The following MAMDC2 variants were observed in gnomAD, a reference collection of about 807,000 sequenced individuals.
MAMDC2 encodes the protein MAM domain-containing protein 2.
In MAMDC2, 57 loss-of-function variants were observed where a neutral mutation model predicts 89.8. The ratio of observed to expected loss-of-function variants is 0.63; its 90% CI spans 0.51 to 0.79. The LOEUF (loss-of-function observed/expected upper bound fraction) is 0.79, where lower values mean the gene tolerates loss of function less well. Ranked by LOEUF, MAMDC2 falls within the 30% of genes least tolerant of loss-of-function variation. The probability of loss-of-function intolerance (pLI) is 0.00; values close to 1 mark genes in which losing one functional copy is unlikely to be tolerated. For missense variants in MAMDC2, 800 were observed against 820.6 expected (o/e 0.97, Z 0.31); for synonymous variants, 313 against 293.4 (o/e 1.07, Z -0.68).
intron 7 of MAMDC2, among the ~76,000 whole-genome samples, chr9:70,136,559 G>C (rs923404576): frequency 2.6e-5 from 4 of 152,116 alleles, no homozygotes; most frequent in African/African-American, 9.7e-5. Context: ...ACTGAGTTAA[G>C]ATTCTCTTGC....
chr9:70,202,056 A>G (rs1417696311), intron 11 of MAMDC2, among the ~76,000 whole-genome samples: 1 of 151,026 alleles, frequency 6.6e-6, no homozygotes, highest in Non-Finnish European at 1.5e-5. Context: ...TATTTCCTTC[A>G]GTTCTGCTCT....
At chr9:70,216,639 A>AAAC (rs1481463489) in intron 11 of MAMDC2, among the ~76,000 whole-genome samples, 1 of 152,236 alleles carries the variant, frequency 6.6e-6, no homozygotes, top group East Asian at 1.9e-4. Flanking sequence ...ACAAGGCAAC[A>AAAC]AAGTTGCATG....
chr9:70,136,413 G>A (rs1158104349), intron 7 of MAMDC2, among the ~76,000 whole-genome samples: 1 of 152,156 alleles, frequency 6.6e-6, no homozygotes, highest in African/African-American at 2.4e-5. Context: ...TTGTCTGGAT[G>A]TACCACAGTT....
chr9:70,099,045 C>A (rs1327140316), intron 2 of MAMDC2, among the ~76,000 whole-genome samples: 5 of 151,972 alleles, frequency 3.3e-5, no homozygotes, highest in African/African-American at 9.7e-5. Context: ...TTAAACAACA[C>A]AAAATAATAG....
chr9:70,219,584 T>C (rs2033518998), intron 12 of MAMDC2, among the ~76,000 whole-genome samples: 1 of 152,240 alleles, frequency 6.6e-6, no homozygotes, highest in South Asian at 2.1e-4. Flanking sequence ...GGGAAGGAAT[T>C]GCAGAAGCTC....
At chr9:70,158,810 T>C (rs1323626723) in intron 9 of MAMDC2, among the ~76,000 whole-genome samples, 1 of 150,010 alleles carries the variant, frequency 6.7e-6, no homozygotes, top group African/African-American at 2.4e-5. Flanking sequence ...AGCCTACAGA[T>C]CCTGGGCTTT....
chr9:70,210,738 C>G (rs1193395936), intron 11 of MAMDC2, among the ~76,000 whole-genome samples: 1 of 152,142 alleles, frequency 6.6e-6, no homozygotes, highest in South Asian at 2.1e-4. Flanking sequence ...ATGGTCTTTA[C>G]AATTTGGCAT....
intron 9 of MAMDC2, among the ~76,000 whole-genome samples, chr9:70,167,496 A>C (rs1421461892): frequency 1.5e-5 from 1 of 65,896 alleles, no homozygotes; most frequent in African/African-American, 5.0e-5. Context: ...GTTGGGTTTC[A>C]ACTTCTGTTA....
intron 2 of MAMDC2, among the ~76,000 whole-genome samples, chr9:70,102,489 A>T (rs1252208918): frequency 6.6e-6 from 1 of 152,194 alleles, no homozygotes; most frequent in Non-Finnish European, 1.5e-5. Context: ...TTATCGATAC[A>T]TTGAGTTCTG....
At chr9:70,217,286 T>G in intron 11 of MAMDC2, 1 of 1,294,860 alleles carries the variant, frequency 7.7e-7, no homozygotes, top group Non-Finnish European at 1.1e-6. Flanking sequence ...GTTTTCGAGT[T>G]TCTTAATGCG....
At chr9:70,125,622 T>C (rs540159379) in intron 5 of MAMDC2, among the ~76,000 whole-genome samples, 2 of 152,318 alleles carry the variant, frequency 1.3e-5, no homozygotes, top group Admixed American at 6.5e-5. Flanking sequence ...CAAATTGCCA[T>C]ATAGTTGGAA....
intron 9 of MAMDC2, among the ~76,000 whole-genome samples, chr9:70,158,550 T>C (rs1339358866): frequency 6.6e-6 from 1 of 151,680 alleles, no homozygotes; most frequent in Non-Finnish European, 1.5e-5. Flanking sequence ...GAAAGATTTA[T>C]TTTTCAATAT....
intron 2 of MAMDC2, among the ~76,000 whole-genome samples, chr9:70,099,009 T>A (rs4237240): frequency 0.16 from 23,825 of 152,144 alleles, 1,884 homozygotes; most frequent in East Asian, 0.18. Context: ...TTTATTAAAA[T>A]TATGATTAAT....
At chr9:70,070,556 G>A (rs1355776620) in intron 2 of MAMDC2, among the ~76,000 whole-genome samples, 1 of 152,200 alleles carries the variant, frequency 6.6e-6, no homozygotes, top group Non-Finnish European at 1.5e-5. Context: ...GAATATGCAT[G>A]GCTAAGCACA....
At chr9:70,161,628 T>A (rs1208852829) in intron 9 of MAMDC2, among the ~76,000 whole-genome samples, 1 of 152,238 alleles carries the variant, frequency 6.6e-6, no homozygotes, top group African/African-American at 2.4e-5. Flanking sequence ...CTTCACTTAG[T>A]CTGCCTTCAG....
chr9:70,203,713 C>T (rs1309033203), intron 11 of MAMDC2, among the ~76,000 whole-genome samples: 2 of 112,320 alleles, frequency 1.8e-5, no homozygotes, highest in African/African-American at 6.7e-5. Context: ...TAGATTTGGT[C>T]TTTTCACATA....
intron 2 of MAMDC2, chr9:70,085,881 A>G (rs1349360774): frequency 6.6e-6 from 1 of 152,148 alleles, no homozygotes; most frequent in Non-Finnish European, 1.5e-5. Flanking sequence ...TTGAAAAAAT[A>G]AGCTTTCTAA....
intron 2 of MAMDC2, among the ~76,000 whole-genome samples, chr9:70,059,680 T>A (rs1827103101): frequency 6.6e-6 from 1 of 152,222 alleles, no homozygotes; most frequent in African/African-American, 2.4e-5. Flanking sequence ...CATTCAGTTC[T>A]TTTTGGCCTC....
intron 9 of MAMDC2, among the ~76,000 whole-genome samples, chr9:70,166,226 A>G (rs1315022346): frequency 6.7e-6 from 1 of 149,832 alleles, no homozygotes; most frequent in African/African-American, 2.5e-5. Flanking sequence ...GGGCGACAAG[A>G]GCAAAACTCC....
Sources: allele counts gnomAD v4.1 joint callset (sites outside exome capture counted in the v4.1 genomes callset), GRCh38; gene constraint gnomAD v4.1.1; transcripts MANE v1.5; gene names NCBI Gene and HGNC (gene_info 2026-07-23, HGNC 2026-07-21).